SLC1A7: variants seen among roughly 807,000 people sequenced by gnomAD.
SLC1A7 encodes the protein excitatory amino acid transporter 5.
In SLC1A7, 40 loss-of-function variants were observed where a neutral mutation model predicts 47.7. That is an observed-to-expected ratio of 0.84 (90% CI 0.65 to 1.09). The LOEUF is 1.09. Among genes scored for constraint, SLC1A7 ranks in the 50% least tolerant of loss-of-function variants. The pLI is 0.00. For missense variants in SLC1A7, 746 were observed against 769.5 expected (o/e 0.97, Z 0.36); for synonymous variants, 323 against 325.6 (o/e 0.99, Z 0.09).
chr1:53,136,548 T>TAAACATATATA (rs1557693254), intron 1 of SLC1A7, among the ~76,000 whole-genome samples: 9 of 40,424 alleles, frequency 2.2e-4, no homozygotes, highest in Middle Eastern at 0.012. Flanking sequence ...ATATATATAA[T>TAAACATATATA]ATATATAAAC....
At chr1:53,096,021 TCAG>T (rs1644484654) in intron 5 of SLC1A7, among the ~76,000 whole-genome samples, 1 of 141,768 alleles carries the variant, frequency 7.1e-6, no homozygotes, top group Non-Finnish European at 1.5e-5. Context: ...TCACTCCACC[TCAG>T]TACACTCACA....
rs1260004663 is a variant in SLC1A7, at chr1:53,088,026, G to A, written c.1666C>T (p.Leu556=). ...CCGCAGGCTCAGACATTGGTCTCCA[G>A]CTCACTGATCTGGATGGTGCAGTGG... is the stretch of plus-strand genomic sequence containing the variant. ...LNHCTIQISE[L]ETNV The change falls in exon 11 of 11, where the codon CTG becomes TTG. Residue 556 remains leucine, a synonymous_variant. Transcript: ENST00000371494. The A allele has an allele frequency of 4.0e-6, 6 of 1,518,656 alleles. No individual in the cohort carries two copies. The highest frequency in any genetic ancestry group is 5.3e-6 in the Non-Finnish European group (6 of 1,125,914). The allele number at this position is 1,518,656 out of a possible 1,614,324, so 94.1% of individuals were successfully genotyped here.
At position 53,092,639 on chromosome 1, in the gene SLC1A7, A is replaced by G. The variant is rs1644436540; in HGVS notation, c.946T>C (p.Tyr316His). 6.2e-7 allele frequency: 1 copy of G among 1,614,106 alleles called. No individual in the cohort carries two copies. ...LHGLFILPLLYFFITKKNPIV... is the reference protein window; with the variant it reads ...LHGLFILPLLHFFITKKNPIV... The stretch of plus-strand genomic sequence containing the variant: ...GGATTCTTCTTGGTGATGAAGAAGT[A>G]GAGCAGGGGCAGGATAAAGAGCCCG... Residue 316 changes from tyrosine to histidine, a missense_variant, in exon 7 of 11, where the codon TAC (tyrosine) becomes CAC (histidine). By Grantham distance (83) the Tyr-to-His change is moderately conservative. Transcript: ENST00000371494.
rs1321097890 is a variant in SLC1A7 at position 53,092,763 on chromosome 1, G to A, written c.822C>T (p.Phe274=). 1 of 1,613,118 alleles carries A rather than the reference G, an allele frequency of 6.2e-7. No individual in the cohort carries two copies. The highest frequency in any genetic ancestry group is 8.5e-7 in the Non-Finnish European group (1 of 1,179,258). ...AVWYFPFGIV[F]LIAGKILEMD... is the part of the protein sequence containing the mutation. ...TCTCCAGGATCTTACCCGCAATGAG[G>A]AACACAATGCCGAAGGGGAAATACC... Residue 274 remains phenylalanine (F), a synonymous_variant, in exon 7 of 11, where the codon TTC becomes TTT. Transcript: ENST00000371494.
chr1:53,140,497 G>A (rs1645046638), intron 1 of SLC1A7, among the ~76,000 whole-genome samples: 1 of 152,050 alleles, frequency 6.6e-6, no homozygotes, highest in Admixed American at 6.5e-5. Flanking sequence ...ATGTTGTTCA[G>A]CAATATGCAG....
chr1:53,130,063 G>T (rs1015304687), intron 2 of SLC1A7, among the ~76,000 whole-genome samples: 2 of 152,186 alleles, frequency 1.3e-5, no homozygotes, highest in Non-Finnish European at 2.9e-5. Context: ...GTCCCCCATT[G>T]TGTGGCATGC....
chr1:53,094,036 G>T (rs1644456374), intron 5 of SLC1A7, among the ~76,000 whole-genome samples: 1 of 152,202 alleles, frequency 6.6e-6, no homozygotes, highest in Non-Finnish European at 1.5e-5. Context: ...AGTGCCCCAG[G>T]CACTGGCTGC....
At chr1:53,092,919 G>T (rs923078093) in intron 6 of SLC1A7, 132 bp from the exon 7 acceptor site, 2 of 638,346 alleles carry the variant, frequency 3.1e-6, no homozygotes, top group African/African-American at 1.8e-5. Flanking sequence ...GACTGCCAAG[G>T]TGCCCGGCCC....
intron 5 of SLC1A7, among the ~76,000 whole-genome samples, chr1:53,101,870 TCA>T (rs1490099039): frequency 6.8e-5 from 10 of 147,936 alleles, no homozygotes; most frequent in African/African-American, 2.5e-4. Context: ...CTCGGTACAC[TCA>T]CACTCTTTGT....
In SLC1A7 at chr1:53,138,503, C is replaced by T. The variant is rs200003529; in HGVS notation, c.135+3812G>A. ...TTTTGTTCTAGTTTCTGGGAGATTT[C>T]TACAACTTTATCCCAGTTATTGACA... On this transcript the variant is annotated intron_variant, in intron 1 of 10. Coordinates refer to ENST00000371494, the MANE Select transcript of SLC1A7 (RefSeq NM_006671.6). 1.2e-4 allele frequency among the ~76,000 whole-genome samples: 18 copies of T among 148,906 alleles called. No individual in the cohort carries two copies. The East Asian group carries it at 3.3e-3, about 27-fold the overall frequency.
At chr1:53,110,201 A>T (rs1428286824) in intron 3 of SLC1A7, among the ~76,000 whole-genome samples, 1 of 152,254 alleles carries the variant, frequency 6.6e-6, no homozygotes, top group East Asian at 1.9e-4. Flanking sequence ...GCTAGACGGG[A>T]TCTTGAAAAT....
At chr1:53,088,531 C>G (rs1211205000) in intron 10 of SLC1A7, among the ~76,000 whole-genome samples, 1 of 152,152 alleles carries the variant, frequency 6.6e-6, no homozygotes, top group African/African-American at 2.4e-5. Flanking sequence ...CAGCCTTCTC[C>G]ATTTGCCTGT....
intron 4 of SLC1A7, among the ~76,000 whole-genome samples, chr1:53,104,411 T>C (rs1644616785): frequency 1.3e-5 from 2 of 152,178 alleles, no homozygotes; most frequent in Non-Finnish European, 2.9e-5. Context: ...GAACCTGACA[T>C]GATTTCTGCC....
intron 5 of SLC1A7, among the ~76,000 whole-genome samples, chr1:53,095,693 TCA>T (rs1644479059): frequency 1.4e-5 from 2 of 140,372 alleles, no homozygotes; most frequent in African/African-American, 5.5e-5. Flanking sequence ...CTCAATACAC[TCA>T]CACACCCTGC....
intron 1 of SLC1A7, among the ~76,000 whole-genome samples, chr1:53,135,000 C>T (rs1015300874): frequency 2.6e-5 from 4 of 152,052 alleles, no homozygotes; most frequent in South Asian, 2.1e-4. Context: ...TCACAGAAAG[C>T]GAAATGGCGG....
chr1:53,122,243 G>A (rs941000914), intron 2 of SLC1A7, among the ~76,000 whole-genome samples: 3 of 152,152 alleles, frequency 2.0e-5, no homozygotes, highest in African/African-American at 4.8e-5. Context: ...GCCCTAGTCT[G>A]CTGGCATGAC....
chr1:53,125,178 C>G (rs1269502218), intron 2 of SLC1A7, among the ~76,000 whole-genome samples: 1 of 152,214 alleles, frequency 6.6e-6, no homozygotes, highest in Non-Finnish European at 1.5e-5. Context: ...GGCCCCAATG[C>G]AGGTCCCGTC....
intron 2 of SLC1A7, among the ~76,000 whole-genome samples, chr1:53,121,299 C>T (rs1413953019): frequency 6.6e-6 from 1 of 152,174 alleles, no homozygotes; most frequent in Non-Finnish European, 1.5e-5. Context: ...GGTGACTGAG[C>T]AGCCATTGAA....
chr1:53,089,514 A>G (rs1290166166), intron 9 of SLC1A7, among the ~76,000 whole-genome samples: 1 of 152,194 alleles, frequency 6.6e-6, no homozygotes, highest in Non-Finnish European at 1.5e-5. Context: ...GGCTCAAGGA[A>G]TGCTCCTGCC....
Sources: gnomAD v4.1 joint callset for allele counts (sites outside exome capture counted in the v4.1 genomes callset) on GRCh38, gnomAD v4.1.1 for gene constraint, MANE v1.5 for transcripts, NCBI Gene and HGNC (gene_info 2026-07-23, HGNC 2026-07-21) for gene names.